The following PDGFD variants were observed in gnomAD, a reference collection of about 807,000 sequenced individuals.
PDGFD encodes platelet-derived growth factor D.
PDGFD carries 30 observed loss-of-function variants against 44.7 expected under a neutral mutation model. That is an observed-to-expected ratio of 0.67 (90% CI 0.50 to 0.91). PDGFD has a LOEUF of 0.91. PDGFD is among the 40% of genes least tolerant of loss of function. The probability of loss-of-function intolerance (pLI) is 0.00; values close to 1 mark genes in which losing one functional copy is unlikely to be tolerated. For synonymous variants in PDGFD, 173 were observed against 168.4 expected (o/e 1.03, Z -0.21); for missense variants, 445 against 457.8 (o/e 0.97, Z 0.25).
chr11:104,037,429 G>T, intron 1 of PDGFD: 1 of 1,614,122 alleles, frequency 6.2e-7, no homozygotes, highest in Middle Eastern at 1.6e-4. Context: ...TCTCTACACA[G>T]CCGACCCACT....
intron 4 of PDGFD, chr11:103,946,516 G>A (rs891285175): frequency 6.6e-5 from 10 of 152,184 alleles, no homozygotes; most frequent in African/African-American, 2.4e-4. Context: ...CTATCATGTC[G>A]AAGGTGCCTG....
At chr11:103,939,533 T>G (rs1433915879) in intron 5 of PDGFD, among the ~76,000 whole-genome samples, 2 of 152,170 alleles carry the variant, frequency 1.3e-5, no homozygotes, top group Admixed American at 6.5e-5. Flanking sequence ...TTTTCCTAAT[T>G]GAATACCCTT....
rs367973695 is a variant in PDGFD at position 104,016,482 on chromosome 11, A to G, written c.125-16227T>C. On this transcript the variant is annotated intron_variant, in intron 1 of 6. Transcript: ENST00000393158. ...GCATATTCTCAGGCCTATGCCAGTC[A>G]TGGCAAGGGGAACAGACTTACCAAG... Among the ~76,000 whole-genome samples the G allele has an allele frequency of 1.8e-4, 28 of 152,356 alleles. No individual in the cohort carries two copies. The South Asian group carries it at 5.8e-3, about 32-fold the overall frequency.
At chr11:104,018,573 T>C (rs1159318945) in intron 1 of PDGFD, among the ~76,000 whole-genome samples, 1 of 152,198 alleles carries the variant, frequency 6.6e-6, no homozygotes, top group Non-Finnish European at 1.5e-5. Context: ...AAGATGTCTT[T>C]TGGGGAATCT....
chr11:104,016,414 T>C (rs1317740504), intron 1 of PDGFD, among the ~76,000 whole-genome samples: 2 of 152,218 alleles, frequency 1.3e-5, no homozygotes, highest in African/African-American at 4.8e-5. Flanking sequence ...CTTTCTCAAA[T>C]CCCCAAGCAA....
intron 1 of PDGFD, among the ~76,000 whole-genome samples, chr11:104,109,739 G>C (rs1861524539): frequency 6.6e-6 from 1 of 151,876 alleles, no homozygotes; most frequent in African/African-American, 2.4e-5. Context: ...TATATAGAAA[G>C]CCACGGAGAA....
chr11:104,057,925 A>G (rs1591142807), intron 1 of PDGFD, among the ~76,000 whole-genome samples: 1 of 152,324 alleles, frequency 6.6e-6, no homozygotes, highest in East Asian at 1.9e-4. Context: ...CGGAAAGATT[A>G]GTTTTCAATA....
intron 1 of PDGFD, among the ~76,000 whole-genome samples, chr11:104,028,279 A>T (rs1237990050): frequency 6.6e-6 from 1 of 151,962 alleles, no homozygotes; most frequent in South Asian, 2.1e-4. Flanking sequence ...ATTTTAGTTT[A>T]AAAAATCCAA....
At chr11:104,094,190 G>A (rs1442522572) in intron 1 of PDGFD, among the ~76,000 whole-genome samples, 1 of 151,700 alleles carries the variant, frequency 6.6e-6, no homozygotes, top group South Asian at 2.1e-4. Context: ...CCTAGCTTTC[G>A]TGGCCATCGT....
chr11:104,064,379 G>A (rs1565324821), intron 1 of PDGFD, among the ~76,000 whole-genome samples: 1 of 152,188 alleles, frequency 6.6e-6, no homozygotes, highest in African/African-American at 2.4e-5. Context: ...GATGCCAAAT[G>A]CACTTCAGAA....
intron 1 of PDGFD, among the ~76,000 whole-genome samples, chr11:104,104,889 T>C (rs1296460562): frequency 6.8e-6 from 1 of 147,434 alleles, no homozygotes; most frequent in Non-Finnish European, 1.5e-5. Flanking sequence ...CAAACACTGA[T>C]ACCATATGCA....
At chr11:104,043,895 C>T (rs143819777) in intron 1 of PDGFD, among the ~76,000 whole-genome samples, 1 of 152,260 alleles carries the variant, frequency 6.6e-6, no homozygotes, top group Non-Finnish European at 1.5e-5. Context: ...GCCCCATCTC[C>T]AACATTGTGA....
chr11:104,071,339 T>C (rs1228399292), intron 1 of PDGFD, among the ~76,000 whole-genome samples: 1 of 151,742 alleles, frequency 6.6e-6, no homozygotes, highest in Non-Finnish European at 1.5e-5. Flanking sequence ...AATATATGTG[T>C]ATATGTATTA....
At chr11:104,127,445 C>T (rs1423642840) in intron 1 of PDGFD, among the ~76,000 whole-genome samples, 1 of 152,108 alleles carries the variant, frequency 6.6e-6, no homozygotes. Context: ...AAGCCAGATT[C>T]ACTTTTTGAA....
chr11:103,976,918 A>G (rs1435737068), intron 3 of PDGFD, among the ~76,000 whole-genome samples: 3 of 151,984 alleles, frequency 2.0e-5, no homozygotes, highest in Non-Finnish European at 4.4e-5. Context: ...ATTTTTGAAA[A>G]GATTAACAAA....
chr11:104,076,873 T>C (rs547108910), intron 1 of PDGFD, among the ~76,000 whole-genome samples: 1 of 152,316 alleles, frequency 6.6e-6, no homozygotes, highest in Non-Finnish European at 1.5e-5. Flanking sequence ...TTTATTATGA[T>C]CCACTTCTAC....
At chr11:103,934,558 G>C (rs1220173783) in intron 5 of PDGFD, among the ~76,000 whole-genome samples, 1 of 152,180 alleles carries the variant, frequency 6.6e-6, no homozygotes, top group Admixed American at 6.6e-5. Context: ...AGGTTTAATG[G>C]CCTCACAGTT....
At chr11:104,021,752 G>C (rs1859957536) in intron 1 of PDGFD, among the ~76,000 whole-genome samples, 1 of 152,108 alleles carries the variant, frequency 6.6e-6, no homozygotes, top group Non-Finnish European at 1.5e-5. Flanking sequence ...TTGGGATGGT[G>C]GTTATACAGC....
At chr11:104,141,256 T>C (rs1476200373) in intron 1 of PDGFD, among the ~76,000 whole-genome samples, 2 of 152,158 alleles carry the variant, frequency 1.3e-5, no homozygotes, top group Non-Finnish European at 2.9e-5. Flanking sequence ...ACGGTACCCA[T>C]ACTCCACAAA....
Sources: allele counts gnomAD v4.1 joint callset (sites outside exome capture counted in the v4.1 genomes callset), GRCh38; gene constraint gnomAD v4.1.1; transcripts MANE v1.5; gene names NCBI Gene and HGNC (gene_info 2026-07-23, HGNC 2026-07-21).